The following CTNNA3 variants were observed in gnomAD, a reference collection of about 807,000 sequenced individuals.
CTNNA3 encodes catenin alpha 3.
Under a neutral mutation model 95.7 loss-of-function variants are expected in CTNNA3, and 76 were observed. The observed-to-expected ratio is 0.79, with a 90% CI of 0.66 to 0.96. CTNNA3 has a LOEUF of 0.96. Ranked by LOEUF, CTNNA3 falls within the 40% of genes least tolerant of loss-of-function variation. The probability of loss-of-function intolerance (pLI) is 0.00; values close to 1 mark genes in which losing one functional copy is unlikely to be tolerated. For missense variants in CTNNA3, 1,191 were observed against 1,089.8 expected (o/e 1.09, Z -1.31); for synonymous variants, 431 against 374.4 (o/e 1.15, Z -1.74).
chr10:67,575,066 C>G (rs1842100348), intron 3 of CTNNA3, among the ~76,000 whole-genome samples: 1 of 152,178 alleles, frequency 6.6e-6, no homozygotes, highest in African/African-American at 2.4e-5. Flanking sequence ...GACCCAATGT[C>G]ACAACCCCTG....
intron 12 of CTNNA3, among the ~76,000 whole-genome samples, chr10:66,296,040 T>C (rs1487417748): frequency 6.6e-6 from 1 of 152,156 alleles, no homozygotes. Flanking sequence ...CTATGTTGAA[T>C]GATTAAGCAA....
At chr10:67,566,058 T>TATATACAC (rs1554854507) in intron 3 of CTNNA3, among the ~76,000 whole-genome samples, 2 of 85,614 alleles carry the variant, frequency 2.3e-5, no homozygotes, top group Admixed American at 2.8e-4. Context: ...TATATATATA[T>TATATACAC]ATATATATAT....
chr10:67,007,770 A>T (rs903110875), intron 7 of CTNNA3, among the ~76,000 whole-genome samples: 1 of 151,574 alleles, frequency 6.6e-6, no homozygotes, highest in African/African-American at 2.4e-5. Context: ...AGTATTTTTA[A>T]AAAAAAAGTT....
At chr10:67,248,357 T>C (rs530131746) in intron 5 of CTNNA3, among the ~76,000 whole-genome samples, 1 of 152,258 alleles carries the variant, frequency 6.6e-6, no homozygotes, top group Admixed American at 6.5e-5. Flanking sequence ...GAACAATCTT[T>C]TCAACAAATG....
chr10:66,019,561 T>C (rs1456963040), intron 15 of CTNNA3, among the ~76,000 whole-genome samples: 1 of 152,122 alleles, frequency 6.6e-6, no homozygotes, highest in Non-Finnish European at 1.5e-5. Flanking sequence ...ATGATTCCAA[T>C]GCTTCTGACA....
chr10:66,438,682 C>T (rs1051766833), intron 11 of CTNNA3, among the ~76,000 whole-genome samples: 1 of 152,054 alleles, frequency 6.6e-6, no homozygotes, highest in Admixed American at 6.6e-5. Context: ...TGGCTTCAGC[C>T]CCCTTTCCAG....
At chr10:67,224,925 G>A (rs773976403) in intron 5 of CTNNA3, among the ~76,000 whole-genome samples, 1 of 150,066 alleles carries the variant, frequency 6.7e-6, no homozygotes, top group Non-Finnish European at 1.5e-5. Context: ...TCCACAGCGT[G>A]GGGGAAGAAC....
chr10:67,062,648 T>C (rs1308471067), intron 7 of CTNNA3, among the ~76,000 whole-genome samples: 1 of 152,084 alleles, frequency 6.6e-6, no homozygotes, highest in Non-Finnish European at 1.5e-5. Flanking sequence ...TCTTTGCAAA[T>C]GTTCTGAATT....
In CTNNA3 at chr10:66,978,247, C is replaced by G. The variant is rs138398024; in HGVS notation, c.1047+202070G>C. On this transcript the variant is annotated intron_variant, in intron 7 of 17. Transcript: ENST00000433211. ...GAGTTAACAATATTGTATTGTGGGCCAAGTGCACTGGCTCACACCTGTAAT... is the reference window on the plus strand; with the variant it reads ...GAGTTAACAATATTGTATTGTGGGCGAAGTGCACTGGCTCACACCTGTAAT... Among the ~76,000 whole-genome samples the G allele has an allele frequency of 2.7e-3, 407 of 151,930 alleles. 1 individual carries two copies. Among genetic ancestry groups the G allele is most frequent in the Admixed American group, 6.4e-3 (97 of 15,238 alleles).
At chr10:66,452,682 T>G (rs1240643156) in intron 11 of CTNNA3, among the ~76,000 whole-genome samples, 2 of 152,182 alleles carry the variant, frequency 1.3e-5, no homozygotes, top group Non-Finnish European at 2.9e-5. Flanking sequence ...TCTCTGTTCC[T>G]GTGAATAACA....
chr10:66,017,839 A>C lies in CTNNA3; in HGVS notation c.2160-29042T>G, dbSNP rs143956162. 3.1e-3 allele frequency among the ~76,000 whole-genome samples: 467 copies of C among 152,188 alleles called. 1 individual carries two copies. The highest frequency in any genetic ancestry group is 0.011 in the African/African-American group (441 of 41,542). On this transcript the variant is annotated intron_variant, in intron 15 of 17. Coordinates refer to ENST00000433211, the MANE Select transcript of CTNNA3 (RefSeq NM_013266.4). ...ATAAATATTGAGGTTAGGGTCTATT[A>C]ATGGGCTGTTTGGTTCTAATCATCT... is the stretch of plus-strand genomic sequence containing the variant.
rs914822216 is a variant in CTNNA3, at chr10:66,599,795, T to C, written c.1374+21897A>G. 3.3e-5 allele frequency among the ~76,000 whole-genome samples: 5 copies of C among 151,976 alleles called. No individual in the cohort carries two copies. The East Asian group carries it at 9.7e-4, about 29-fold the overall frequency. On this transcript the variant is annotated intron_variant, in intron 10 of 17. Transcript: ENST00000433211. ...TGCCAGTCCACATATTAAGTAACTC[T>C]CTGGCCTCCACTTACCACCAACATA...
At chr10:66,588,925 T>G (rs1843453433) in intron 10 of CTNNA3, among the ~76,000 whole-genome samples, 1 of 142,974 alleles carries the variant, frequency 7.0e-6, no homozygotes, top group Non-Finnish European at 1.5e-5. Context: ...TCTCTGTGTC[T>G]GAAGCCAACA....
chr10:67,431,602 C>A (rs901781070), intron 5 of CTNNA3, among the ~76,000 whole-genome samples: 1 of 151,888 alleles, frequency 6.6e-6, no homozygotes, highest in Non-Finnish European at 1.5e-5. Flanking sequence ...CAAGAAGATG[C>A]AGCCTGAAGG....
At chr10:66,806,273 G>GTA (rs1353606840) in intron 7 of CTNNA3, among the ~76,000 whole-genome samples, 1 of 147,448 alleles carries the variant, frequency 6.8e-6, no homozygotes, top group East Asian at 2.0e-4. Flanking sequence ...GTGTGTGTGT[G>GTA]TGTGTGTGTG....
In CTNNA3 at chr10:67,555,928, A is replaced by G. The variant is rs191066620; in HGVS notation, c.293-16259T>C. Among the ~76,000 whole-genome samples the G allele has an allele frequency of 5.5e-3, 844 of 152,338 alleles. 7 individuals are homozygous for G. The highest frequency in any genetic ancestry group is 0.019 in the African/African-American group (801 of 41,570). On this transcript the variant is annotated intron_variant, in intron 3 of 17. Transcript: ENST00000433211. Reference sequence around the variant, plus strand: ...CTCTTATTATTTTGAGATATGTCCAATGAATACCTAATTTATTGAGAGTTT... The same window carrying G: ...CTCTTATTATTTTGAGATATGTCCAGTGAATACCTAATTTATTGAGAGTTT...
chr10:66,290,716 G>A (rs2091667215), intron 12 of CTNNA3, among the ~76,000 whole-genome samples: 2 of 152,042 alleles, frequency 1.3e-5, no homozygotes, highest in African/African-American at 4.8e-5. Flanking sequence ...ACAGAAATAG[G>A]TCTTGATTTG....
chr10:67,588,562 T>A (rs1021268702), intron 3 of CTNNA3, among the ~76,000 whole-genome samples: 7 of 152,030 alleles, frequency 4.6e-5, no homozygotes, highest in African/African-American at 1.7e-4. Flanking sequence ...GATGGACCTG[T>A]CGTCAGGCTT....
At chr10:67,440,118 T>G (rs1846446961) in intron 5 of CTNNA3, among the ~76,000 whole-genome samples, 1 of 152,100 alleles carries the variant, frequency 6.6e-6, no homozygotes, top group Non-Finnish European at 1.5e-5. Context: ...CCCTTAAGGG[T>G]GACTTCCAGG....
Sources: gnomAD v4.1 joint callset for allele counts (sites outside exome capture counted in the v4.1 genomes callset) on GRCh38, gnomAD v4.1.1 for gene constraint, MANE v1.5 for transcripts, NCBI Gene and HGNC (gene_info 2026-07-23, HGNC 2026-07-21) for gene names.